The following GALNTL6 variants were observed in gnomAD, a reference collection of about 807,000 sequenced individuals.
GALNTL6 encodes polypeptide N-acetylgalactosaminyltransferase-like 6.
Under a neutral mutation model 73.7 loss-of-function variants are expected in GALNTL6, and 46 were observed. The observed-to-expected ratio is 0.62, with a 90% CI of 0.49 to 0.80. The LOEUF (loss-of-function observed/expected upper bound fraction) is 0.80, where lower values mean the gene tolerates loss of function less well. Ranked by LOEUF, GALNTL6 falls within the 30% of genes least tolerant of loss-of-function variation. The pLI is 0.00. For synonymous variants in GALNTL6, 259 were observed against 263.7 expected (o/e 0.98, Z 0.17); for missense variants, 604 against 755.0 (o/e 0.80, Z 2.34).
In GALNTL6 at chr4:171,966,576, T is replaced by C. The variant is rs558941403; in HGVS notation, c.138+151858T>C. On this transcript the variant is annotated intron_variant, in intron 2 of 12. Coordinates refer to ENST00000506823, the MANE Select transcript of GALNTL6 (RefSeq NM_001034845.3). ...CTGGTATTTATAGTCTGCTGAAGTCTGGCTGGTGCTTAGGGAGGAAGGAGT... is the reference window on the plus strand; with the variant it reads ...CTGGTATTTATAGTCTGCTGAAGTCCGGCTGGTGCTTAGGGAGGAAGGAGT... Among the ~76,000 whole-genome samples the C allele has an allele frequency of 1.8e-3, 279 of 152,310 alleles. 7 individuals are homozygous for C. The South Asian group carries it at 0.056, about 30-fold the overall frequency.
intron 10 of GALNTL6, among the ~76,000 whole-genome samples, chr4:172,978,896 T>G (rs948536120): frequency 2.0e-5 from 3 of 152,196 alleles, no homozygotes; most frequent in Non-Finnish European, 4.4e-5. Flanking sequence ...GCTCCAACAT[T>G]TACTGGATGA....
intron 12 of GALNTL6, among the ~76,000 whole-genome samples, chr4:173,022,858 G>C (rs1259782325): frequency 6.6e-6 from 1 of 152,124 alleles, no homozygotes; most frequent in Non-Finnish European, 1.5e-5. Context: ...GTTTCCTTTT[G>C]ACAACTTTTT....
chr4:172,657,966 C>T (rs989357846), intron 5 of GALNTL6, among the ~76,000 whole-genome samples: 15 of 144,220 alleles, frequency 1.0e-4, no homozygotes, highest in South Asian at 2.3e-4. Flanking sequence ...CCGGCTAAAA[C>T]GGTGAAACCC....
intron 7 of GALNTL6, among the ~76,000 whole-genome samples, chr4:172,866,820 C>T (rs1314663393): frequency 1.3e-5 from 2 of 152,174 alleles, no homozygotes; most frequent in African/African-American, 2.4e-5. Context: ...AGACCATTTT[C>T]CCTGACCCAC....
intron 2 of GALNTL6, among the ~76,000 whole-genome samples, chr4:172,171,708 C>G (rs550485780): frequency 6.6e-6 from 1 of 151,326 alleles, no homozygotes; most frequent in African/African-American, 2.4e-5. Flanking sequence ...GGTGGTGGCA[C>G]GTGTCTGTGG....
rs945305283 is a variant in GALNTL6 at position 172,376,727 on chromosome 4, C to T, written c.553+28038C>T. ...GCTTGGTGACAGGCAGTTGTCTCAC[C>T]GCTTGGCGATAGGCAATAGTCTCTT... On this transcript the variant is annotated intron_variant, in intron 5 of 12. Transcript: ENST00000506823. Among the ~76,000 whole-genome samples the T allele has an allele frequency of 3.3e-5, 5 of 152,104 alleles. No individual in the cohort carries two copies. In the East Asian group the frequency reaches 5.8e-4, roughly 18 times the overall value.
intron 2 of GALNTL6, among the ~76,000 whole-genome samples, chr4:172,147,528 T>C (rs188390041): frequency 6.6e-6 from 1 of 152,328 alleles, no homozygotes; most frequent in East Asian, 1.9e-4. Context: ...GAAAATCAGT[T>C]AGCCTATGAG....
At chr4:172,921,522 A>G (rs1481525544) in intron 8 of GALNTL6, among the ~76,000 whole-genome samples, 4 of 152,214 alleles carry the variant, frequency 2.6e-5, no homozygotes, top group African/African-American at 4.8e-5. Context: ...CAGGCCAGGC[A>G]CAGTGGCTCA....
intron 5 of GALNTL6, among the ~76,000 whole-genome samples, chr4:172,628,800 A>C (rs79659374): frequency 2.0e-5 from 3 of 152,318 alleles, no homozygotes; most frequent in Non-Finnish European, 4.4e-5. Flanking sequence ...CAAAGATTTC[A>C]TAGCAAAGTA....
chr4:171,965,716 A>G (rs145313962), intron 2 of GALNTL6, among the ~76,000 whole-genome samples: 8 of 151,968 alleles, frequency 5.3e-5, no homozygotes, highest in African/African-American at 1.9e-4. Context: ...AATTACACCT[A>G]TAAAAAGCTA....
At chr4:173,009,349 A>T in intron 11 of GALNTL6, 55 bp downstream of exon 11, 1 of 1,007,642 alleles carries the variant, frequency 9.9e-7, no homozygotes, top group Non-Finnish European at 1.6e-6. Flanking sequence ...GCTGATGCAG[A>T]CACAGAGGGA....
At chr4:172,994,505 G>A (rs2126462954) in intron 10 of GALNTL6, among the ~76,000 whole-genome samples, 1 of 152,282 alleles carries the variant, frequency 6.6e-6, no homozygotes, top group East Asian at 1.9e-4. Context: ...TTTCAGGGAA[G>A]TAGTTATACC....
chr4:171,999,233 G>A (rs1315869932), intron 2 of GALNTL6, among the ~76,000 whole-genome samples: 1 of 152,156 alleles, frequency 6.6e-6, no homozygotes, highest in Non-Finnish European at 1.5e-5. Flanking sequence ...AACAACAGTG[G>A]TGGAGAGGTG....
intron 2 of GALNTL6, among the ~76,000 whole-genome samples, chr4:171,976,263 A>G (rs1284978890): frequency 6.6e-6 from 1 of 152,248 alleles, no homozygotes; most frequent in Non-Finnish European, 1.5e-5. Flanking sequence ...GAATGAGCTT[A>G]ATAGAAAATT....
chr4:172,244,386 T>C (rs1221615412), intron 3 of GALNTL6, among the ~76,000 whole-genome samples: 4 of 152,132 alleles, frequency 2.6e-5, no homozygotes, highest in African/African-American at 9.7e-5. Context: ...GGAGATTTAT[T>C]AAACTGCAAT....
At chr4:172,520,367 C>T (rs1194245614) in intron 5 of GALNTL6, among the ~76,000 whole-genome samples, 2 of 151,938 alleles carry the variant, frequency 1.3e-5, no homozygotes, top group African/African-American at 4.8e-5. Context: ...ACACAGTTCT[C>T]ACTAGACAAC....
At chr4:172,258,538 G>T (rs1307532811) in intron 3 of GALNTL6, among the ~76,000 whole-genome samples, 1 of 151,122 alleles carries the variant, frequency 6.6e-6, no homozygotes, top group Non-Finnish European at 1.5e-5. Flanking sequence ...TGAAATTCCA[G>T]TTTATATATA....
intron 2 of GALNTL6, among the ~76,000 whole-genome samples, chr4:172,024,326 T>C (rs1329514460): frequency 3.3e-5 from 5 of 151,798 alleles, no homozygotes; most frequent in Non-Finnish European, 7.4e-5. Flanking sequence ...GTTTAATATA[T>C]ATATACATAA....
chr4:172,451,316 T>C (rs1732199822), intron 5 of GALNTL6, among the ~76,000 whole-genome samples: 1 of 152,218 alleles, frequency 6.6e-6, no homozygotes, highest in South Asian at 2.1e-4. Context: ...GGAGATATAG[T>C]GAAGAATTTG....
Sources: allele counts gnomAD v4.1 joint callset (sites outside exome capture counted in the v4.1 genomes callset), GRCh38; gene constraint gnomAD v4.1.1; transcripts MANE v1.5; gene names NCBI Gene and HGNC (gene_info 2026-07-23, HGNC 2026-07-21).